CACNB2: variants seen among roughly 807,000 people sequenced by gnomAD.
CACNB2 encodes voltage-dependent L-type calcium channel subunit beta-2.
In CACNB2, 42 loss-of-function variants were observed where a neutral mutation model predicts 73.3. The ratio of observed to expected loss-of-function variants is 0.57; its 90% CI spans 0.45 to 0.74. CACNB2 has a LOEUF of 0.74. Among genes scored for constraint, CACNB2 ranks in the 30% least tolerant of loss-of-function variants. The pLI is 0.00. For synonymous variants in CACNB2, 348 were observed against 310.3 expected (o/e 1.12, Z -1.28); for missense variants, 940 against 853.0 (o/e 1.10, Z -1.27).
In CACNB2 at chr10:18,539,555, CCCGGCA is replaced by C. The variant is rs1231423069; in HGVS notation, c.1818_1823del (p.His607_Arg608del). 3 of 1,613,506 alleles carry C rather than the reference CCCGGCA, an allele frequency of 1.9e-6. No individual in the cohort carries two copies. The highest frequency in any genetic ancestry group is 2.5e-6 in the Non-Finnish European group (3 of 1,179,964). On this transcript the variant is annotated inframe_deletion, in exon 14 of 14. Coordinates refer to ENST00000324631, the MANE Select transcript of CACNB2 (RefSeq NM_201596.3). The stretch of plus-strand genomic sequence containing the variant: ...AGCAGTGACCACAGACACAGGGAGT[CCCGGCA>C]CCGTTCCCGGGACGTGGATCGAGAG...
intron 3 of CACNB2, among the ~76,000 whole-genome samples, chr10:18,497,658 C>G (rs1335430970): frequency 6.6e-6 from 1 of 152,092 alleles, no homozygotes; most frequent in Non-Finnish European, 1.5e-5. Context: ...CTCCTAGGGT[C>G]AAGCAATCCT....
chr10:18,324,728 C>T (rs1197989631), intron 2 of CACNB2, among the ~76,000 whole-genome samples: 2 of 152,134 alleles, frequency 1.3e-5, no homozygotes, highest in Admixed American at 1.3e-4. Flanking sequence ...TGGTGGCATG[C>T]GTCTGTATTC....
chr10:18,217,033 G>T (rs2482118), intron 2 of CACNB2, among the ~76,000 whole-genome samples: 3 of 151,930 alleles, frequency 2.0e-5, no homozygotes, highest in Admixed American at 2.0e-4. Flanking sequence ...CTTTTCATAC[G>T]TTTATTGAAT....
chr10:18,279,806 G>A (rs887815463), intron 2 of CACNB2, among the ~76,000 whole-genome samples: 4 of 152,204 alleles, frequency 2.6e-5, no homozygotes, highest in South Asian at 2.1e-4. Flanking sequence ...AGAGCTGGGC[G>A]CAGTGGCTCA....
At chr10:18,460,559 T>G (rs554564428) in intron 3 of CACNB2, among the ~76,000 whole-genome samples, 2 of 152,150 alleles carry the variant, frequency 1.3e-5, no homozygotes, top group South Asian at 4.2e-4. Context: ...TTTCGGCAGG[T>G]TAAAAAGTCT....
chr10:18,438,316 A>C (rs893681428), intron 3 of CACNB2, among the ~76,000 whole-genome samples: 3 of 150,872 alleles, frequency 2.0e-5, no homozygotes, highest in African/African-American at 7.3e-5. Flanking sequence ...GGCGTGAGCC[A>C]CCGCGCCCTG....
chr10:18,340,216 G>A (rs1029752025), intron 2 of CACNB2, among the ~76,000 whole-genome samples: 12 of 152,088 alleles, frequency 7.9e-5, no homozygotes, highest in Non-Finnish European at 1.6e-4. Flanking sequence ...AGAATATTGT[G>A]TTTATTATTT....
intron 2 of CACNB2, among the ~76,000 whole-genome samples, chr10:18,273,337 G>A (rs2038137537): frequency 6.6e-6 from 1 of 151,752 alleles, no homozygotes; most frequent in Non-Finnish European, 1.5e-5. Flanking sequence ...GGATTTCCCT[G>A]AGGAAAATCC....
chr10:18,391,029 A>G (rs774869511), intron 2 of CACNB2, among the ~76,000 whole-genome samples: 6 of 152,244 alleles, frequency 3.9e-5, no homozygotes, highest in African/African-American at 7.2e-5. Flanking sequence ...TCATATTTTC[A>G]AAATATAAAG....
intron 2 of CACNB2, among the ~76,000 whole-genome samples, chr10:18,163,431 G>T (rs1039680386): frequency 6.6e-6 from 1 of 152,154 alleles, no homozygotes; most frequent in Non-Finnish European, 1.5e-5. Flanking sequence ...TAGAAAAGGG[G>T]GTGGTGATTC....
chr10:18,500,919 G>C lies in CACNB2; in HGVS notation c.564G>C (p.Gln188His), dbSNP rs1162742745. ...AAAACATGAGGCTGCAGCATGAACA[G>C]AGAGCCAAGCAAGGGAAATTCTACT... is the stretch of plus-strand genomic sequence containing the variant. Reference protein sequence around the residue: ...KLENMRLQHEQRAKQGKFYSS... With the variant: ...KLENMRLQHEHRAKQGKFYSS... Residue 188 changes from glutamine to histidine, a missense_variant, in exon 5 of 14, where the codon CAG (glutamine) becomes CAC (histidine). Transcript: ENST00000324631. 2 of 1,614,014 alleles carry C rather than the reference G, an allele frequency of 1.2e-6. No individual in the cohort carries two copies. Among genetic ancestry groups the C allele is most frequent in the African/African-American group, 2.7e-5 (2 of 74,948 alleles).
chr10:18,161,631 T>C (rs74567309), intron 2 of CACNB2, among the ~76,000 whole-genome samples: 12 of 53,122 alleles, frequency 2.3e-4, no homozygotes, highest in African/African-American at 2.6e-4. Context: ...GCAAATCTCT[T>C]TTTTTTTTTT....
chr10:18,478,904 T>TG (rs1276105960), intron 3 of CACNB2, among the ~76,000 whole-genome samples: 1 of 152,090 alleles, frequency 6.6e-6, no homozygotes, highest in African/African-American at 2.4e-5. Context: ...GGGAGGGATG[T>TG]GGGGGACCTT....
intron 2 of CACNB2, among the ~76,000 whole-genome samples, chr10:18,307,983 C>CATTTTTT (rs1356604464): frequency 0.012 from 872 of 70,216 alleles, 76 homozygotes; most frequent in African/African-American, 0.039. Context: ...TATATGCCAA[C>CATTTTTT]TTTTTTTTTT....
chr10:18,488,152 A>G (rs1009503015), intron 3 of CACNB2, among the ~76,000 whole-genome samples: 1 of 151,808 alleles, frequency 6.6e-6, no homozygotes, highest in Non-Finnish European at 1.5e-5. Context: ...AGAGATGTGA[A>G]GAGAGAAACG....
intron 3 of CACNB2, among the ~76,000 whole-genome samples, chr10:18,453,452 C>A (rs1162903380): frequency 6.6e-6 from 1 of 152,176 alleles, no homozygotes; most frequent in African/African-American, 2.4e-5. Context: ...TCTTTCTGTC[C>A]CTCCATGAGG....
intron 2 of CACNB2, among the ~76,000 whole-genome samples, chr10:18,338,738 CTTTTTTTTTTTTT>C (rs553402190): frequency 2.0e-5 from 2 of 102,446 alleles, no homozygotes; most frequent in South Asian, 7.1e-4. Context: ...TCCTTCTTTC[CTTTTTTTTTTTTT>C]TTTTTTTGAA....
chr10:18,442,959 T>C lies in CACNB2; in HGVS notation c.333+40916T>C, dbSNP rs1283473729. On this transcript the variant is annotated intron_variant, in intron 3 of 13. Transcript: ENST00000324631. ...ATATATATGTGTATATATATATATG[T>C]ATATATATATGTGTATATATATATA... is the stretch of plus-strand genomic sequence containing the variant. Among the ~76,000 whole-genome samples the C allele has an allele frequency of 3.2e-3, 24 of 7,584 alleles. 1 individual carries two copies. Among genetic ancestry groups the C allele is most frequent in the African/African-American group, 5.7e-3 (4 of 698 alleles). 5.0% of individuals were successfully genotyped at this position (7,584 alleles called of 152,430 possible).
chr10:18,190,778 A>G (rs1324104102), intron 2 of CACNB2, among the ~76,000 whole-genome samples: 6 of 152,170 alleles, frequency 3.9e-5, no homozygotes, highest in Admixed American at 6.5e-5. Flanking sequence ...GAGATGGGGA[A>G]ACTATTTCAA....
Sources: gnomAD v4.1 joint callset for allele counts (sites outside exome capture counted in the v4.1 genomes callset) on GRCh38, gnomAD v4.1.1 for gene constraint, MANE v1.5 for transcripts, NCBI Gene and HGNC (gene_info 2026-07-23, HGNC 2026-07-21) for gene names.